ITPR2: variants seen among roughly 807,000 people sequenced by gnomAD.
ITPR2 encodes the protein inositol 1,4,5-trisphosphate receptor type 2.
In ITPR2, 207 loss-of-function variants were observed where a neutral mutation model predicts 317.1. That is an observed-to-expected ratio of 0.65 (90% CI 0.58 to 0.73). The LOEUF is 0.73. Ranked by LOEUF, ITPR2 falls within the 30% of genes least tolerant of loss-of-function variation. The probability of loss-of-function intolerance (pLI) is 0.00; values close to 1 mark genes in which losing one functional copy is unlikely to be tolerated. For missense variants in ITPR2, 2,613 were observed against 3,284.0 expected (o/e 0.80, Z 4.99); for synonymous variants, 1,156 against 1,149.1 (o/e 1.01, Z -0.12).
At chr12:26,543,290 C>G (rs930032745) in intron 37 of ITPR2, among the ~76,000 whole-genome samples, 1 of 152,060 alleles carries the variant, frequency 6.6e-6, no homozygotes, top group Non-Finnish European at 1.5e-5. Flanking sequence ...TTTAAATACA[C>G]AGAACGAAGG....
intron 37 of ITPR2, among the ~76,000 whole-genome samples, chr12:26,542,460 C>T (rs951954296): frequency 2.0e-5 from 3 of 152,194 alleles, no homozygotes; most frequent in African/African-American, 7.2e-5. Flanking sequence ...TAAAAACTTT[C>T]TATACCTCAG....
At chr12:26,494,116 A>G (rs1390458556) in intron 39 of ITPR2, 37 bp downstream of exon 39, 1 of 1,485,104 alleles carries the variant, frequency 6.7e-7, no homozygotes, top group Admixed American at 1.9e-5. Context: ...AGAAATACCA[A>G]TAATAAATGT....
chr12:26,360,407 C>T (rs1938789655), intron 55 of ITPR2, among the ~76,000 whole-genome samples: 2 of 152,178 alleles, frequency 1.3e-5, no homozygotes, highest in African/African-American at 4.8e-5. Flanking sequence ...CTTTAGCTTC[C>T]CCTGGTCCCA....
Position 26,490,579 on chromosome 12 carries a change from G to A in ITPR2, c.5371-3328C>T, listed in dbSNP as rs186364487. Among the ~76,000 whole-genome samples, 947 of 152,310 alleles carry A rather than the reference G, an allele frequency of 6.2e-3. 11 individuals carry two copies. The highest frequency in any genetic ancestry group is 0.022 in the African/African-American group (906 of 41,564). ...TGTAATCCCAGCACTTTGGGAGGCC[G>A]AGGCAGGTGGATCACCTGAGGTCAG... On this transcript the variant is annotated intron_variant, in intron 39 of 56. Coordinates refer to ENST00000381340, the MANE Select transcript of ITPR2 (RefSeq NM_002223.4).
chr12:26,398,472 CAT>C (rs1393305874), intron 54 of ITPR2, among the ~76,000 whole-genome samples: 2 of 152,178 alleles, frequency 1.3e-5, no homozygotes, highest in Non-Finnish European at 2.9e-5. Context: ...GAATCCAAAA[CAT>C]AGTGATGTCA....
intron 55 of ITPR2, among the ~76,000 whole-genome samples, chr12:26,356,180 T>C (rs1391967122): frequency 6.6e-6 from 1 of 151,894 alleles, no homozygotes; most frequent in African/African-American, 2.4e-5. Context: ...CAGTACAGGG[T>C]GGTGCACAGC....
chr12:26,741,608 G>A (rs780654076), intron 2 of ITPR2, among the ~76,000 whole-genome samples: 3 of 152,180 alleles, frequency 2.0e-5, no homozygotes, highest in African/African-American at 7.2e-5. Flanking sequence ...TGGGAACCAC[G>A]AGCCTACAGC....
intron 34 of ITPR2, among the ~76,000 whole-genome samples, chr12:26,568,251 C>T (rs1421136847): frequency 1.3e-5 from 2 of 151,060 alleles, no homozygotes; most frequent in Non-Finnish European, 3.0e-5. Flanking sequence ...AGTTGGAACG[C>T]AATTGAGATA....
chr12:26,692,450 A>G (rs1029508950), intron 10 of ITPR2, among the ~76,000 whole-genome samples: 3 of 152,224 alleles, frequency 2.0e-5, no homozygotes, highest in African/African-American at 7.2e-5. Flanking sequence ...GAAAAATCAG[A>G]TCATATTCCA....
intron 34 of ITPR2, among the ~76,000 whole-genome samples, chr12:26,578,346 A>G (rs1175176686): frequency 1.3e-5 from 2 of 152,168 alleles, no homozygotes; most frequent in East Asian, 3.8e-4. Context: ...TTGGAAAACT[A>G]CAAGACCCTC....
rs1479342861 is a variant in ITPR2 at position 26,686,568 on chromosome 12, A to G, written c.1061T>C (p.Leu354Ser). ...GTCATTGCCATGCGGGACTGAAACC[A>G]AAGTATACATGATCTTCTCCCCTGC... ...RQAGEKIMYT[L>S]VSVPHGNDIA... Residue 354 changes from leucine to serine, a missense_variant, in exon 11 of 57, where the codon TTG becomes TCG. Leu to Ser is a moderately radical substitution (Grantham distance 145, BLOSUM62 -2). Coordinates refer to ENST00000381340, the MANE Select transcript of ITPR2 (RefSeq NM_002223.4). The G allele has an allele frequency of 6.2e-7, 1 of 1,613,120 alleles. No homozygotes were observed. Among genetic ancestry groups the G allele is most frequent in the South Asian group, 1.1e-5 (1 of 90,970 alleles).
At chr12:26,419,943 T>C (rs987951459) in intron 49 of ITPR2, 1 of 152,152 alleles carries the variant, frequency 6.6e-6, no homozygotes, top group Admixed American at 6.6e-5. Context: ...AAATATAATG[T>C]ATGTATGTAT....
chr12:26,821,581 A>C (rs1950939237), intron 1 of ITPR2, among the ~76,000 whole-genome samples: 1 of 152,132 alleles, frequency 6.6e-6, no homozygotes, highest in African/African-American at 2.4e-5. Context: ...TCTCACAGTA[A>C]ATTTCCTTCT....
At chr12:26,350,107 T>G (rs1216681151) in intron 55 of ITPR2, among the ~76,000 whole-genome samples, 1 of 152,094 alleles carries the variant, frequency 6.6e-6, no homozygotes, top group African/African-American at 2.4e-5. Flanking sequence ...TCCTGCGGGC[T>G]CTAAGCTTCT....
intron 13 of ITPR2, among the ~76,000 whole-genome samples, chr12:26,674,755 A>C (rs9795847): frequency 6.6e-6 from 1 of 152,038 alleles, no homozygotes; most frequent in African/African-American, 2.4e-5. Flanking sequence ...CAGAGTGAAC[A>C]GGCAACCCAC....
At chr12:26,820,630 C>G (rs955834764) in intron 1 of ITPR2, among the ~76,000 whole-genome samples, 1 of 151,956 alleles carries the variant, frequency 6.6e-6, no homozygotes, top group Non-Finnish European at 1.5e-5. Flanking sequence ...AAGTATATAC[C>G]TAAAAGAATT....
chr12:26,454,110 T>C (rs769469807), intron 45 of ITPR2, among the ~76,000 whole-genome samples: 27 of 152,206 alleles, frequency 1.8e-4, no homozygotes, highest in Non-Finnish European at 3.5e-4. Context: ...TAATGGCATA[T>C]GTGTTTAATT....
intron 2 of ITPR2, among the ~76,000 whole-genome samples, chr12:26,760,216 T>C (rs1473222931): frequency 6.6e-6 from 1 of 152,202 alleles, no homozygotes; most frequent in African/African-American, 2.4e-5. Context: ...CAATCTGCAG[T>C]TGGCTGAATT....
intron 33 of ITPR2, 98 bp downstream of exon 33, chr12:26,579,929 C>A (rs924169245): frequency 3.5e-6 from 3 of 867,800 alleles, no homozygotes; most frequent in African/African-American, 3.4e-5. Context: ...GAATAAACAT[C>A]TGAAGTGTAG....
Sources: gnomAD v4.1 joint callset for allele counts (sites outside exome capture counted in the v4.1 genomes callset) on GRCh38, gnomAD v4.1.1 for gene constraint, MANE v1.5 for transcripts, NCBI Gene and HGNC (gene_info 2026-07-23, HGNC 2026-07-21) for gene names.